FARS2: variants seen among roughly 807,000 people sequenced by gnomAD.
FARS2 encodes phenylalanyl-tRNA synthetase 2, mitochondrial, also known as phenylalanine--tRNA ligase, mitochondrial.
Under a neutral mutation model 46.4 loss-of-function variants are expected in FARS2, and 40 were observed. The ratio of observed to expected loss-of-function variants is 0.86; its 90% CI spans 0.67 to 1.12. The LOEUF (loss-of-function observed/expected upper bound fraction) is 1.12, where lower values mean the gene tolerates loss of function less well. Ranked by LOEUF, FARS2 falls within the 50% of genes most tolerant of loss-of-function variation. FARS2 has a pLI of 0.00. For missense variants in FARS2, 513 were observed against 567.9 expected, an observed-to-expected ratio of 0.90 and a Z score of 0.98; for synonymous variants, 234 against 214.9, an observed-to-expected ratio of 1.09 and a Z score of -0.78.
At chr6:5,391,033 C>A (rs1760474699) in intron 2 of FARS2, among the ~76,000 whole-genome samples, 1 of 152,176 alleles carries the variant, frequency 6.6e-6, no homozygotes, top group Admixed American at 6.5e-5. Context: ...CTAGGGTAAA[C>A]CGTCATTATT....
chr6:5,481,819 G>A (rs62385427), intron 4 of FARS2, among the ~76,000 whole-genome samples: 120,526 of 151,810 alleles, frequency 0.79, 48,149 homozygotes, highest in Middle Eastern at 0.85. Flanking sequence ...GACCCCCCTT[G>A]CTTCCAGATC....
chr6:5,743,099 C>T (rs1366608344), intron 6 of FARS2, among the ~76,000 whole-genome samples: 1 of 152,102 alleles, frequency 6.6e-6, no homozygotes, highest in Non-Finnish European at 1.5e-5. Context: ...TAGGCTATGT[C>T]CAGGTATTTG....
chr6:5,658,745 G>A (rs1450297715), intron 6 of FARS2, among the ~76,000 whole-genome samples: 1 of 152,188 alleles, frequency 6.6e-6, no homozygotes, highest in Non-Finnish European at 1.5e-5. Flanking sequence ...TTTTCAAGGA[G>A]ATGAATTCTA....
intron 6 of FARS2, among the ~76,000 whole-genome samples, chr6:5,718,721 G>A (rs1759684423): frequency 6.6e-6 from 1 of 152,164 alleles, no homozygotes; most frequent in African/African-American, 2.4e-5. Flanking sequence ...GCTAATGGAA[G>A]ATGGGGCCTG....
chr6:5,464,972 A>G (rs1056112514), intron 4 of FARS2, among the ~76,000 whole-genome samples: 1 of 152,194 alleles, frequency 6.6e-6, no homozygotes, highest in Admixed American at 6.5e-5. Context: ...GGGGCCTTAG[A>G]TAAGATATAA....
chr6:5,501,967 C>T (rs1294361441), intron 4 of FARS2, among the ~76,000 whole-genome samples: 2 of 152,154 alleles, frequency 1.3e-5, no homozygotes, highest in Non-Finnish European at 2.9e-5. Flanking sequence ...CCAGCAATGA[C>T]GTTCTTCTCT....
At chr6:5,325,985 G>C (rs1246244296) in intron 1 of FARS2, among the ~76,000 whole-genome samples, 1 of 152,178 alleles carries the variant, frequency 6.6e-6, no homozygotes, top group African/African-American at 2.4e-5. Flanking sequence ...GAAGGAACTG[G>C]GAAAAGTACC....
chr6:5,413,652 C>T lies in FARS2; in HGVS notation c.772+8951C>T, dbSNP rs1187804422. Among the ~76,000 whole-genome samples, 16 of 152,206 alleles carry T rather than the reference C, an allele frequency of 1.1e-4. 1 individual carries two copies. Among genetic ancestry groups the T allele is most frequent in the Admixed American group, 1.0e-3 (16 of 15,284 alleles). On this transcript the variant is annotated intron_variant, in intron 3 of 6. Coordinates refer to ENST00000274680, the MANE Select transcript of FARS2 (RefSeq NM_006567.5). The stretch of plus-strand genomic sequence containing the variant: ...AGAACTCTGTTATCAACCACTTTAA[C>T]TCCTTCACTCCTTTGACTTGCACTG...
chr6:5,468,938 TATATGACTTGGC>T (rs1209214238), intron 4 of FARS2, among the ~76,000 whole-genome samples: 3 of 152,210 alleles, frequency 2.0e-5, no homozygotes. Flanking sequence ...CACAGATGTG[TATATGACTTGGC>T]ATACCATAAC....
chr6:5,365,491 G>T (rs1297296004), intron 1 of FARS2, among the ~76,000 whole-genome samples: 1 of 148,784 alleles, frequency 6.7e-6, no homozygotes, highest in African/African-American at 2.5e-5. Context: ...CACCATACCC[G>T]GCTAATTTAT....
intron 5 of FARS2, among the ~76,000 whole-genome samples, chr6:5,548,476 A>G (rs957033530): frequency 1.3e-5 from 2 of 152,234 alleles, no homozygotes; most frequent in African/African-American, 4.8e-5. Flanking sequence ...ATTTCCTTGT[A>G]GACTAATTTG....
chr6:5,719,404 A>AAC (rs1276525710), intron 6 of FARS2, among the ~76,000 whole-genome samples: 1 of 150,388 alleles, frequency 6.6e-6, no homozygotes, highest in East Asian at 1.9e-4. Context: ...ATTAAAAAAA[A>AAC]AAAAAAAGGA....
At chr6:5,615,311 C>T (rs554368758) in intron 6 of FARS2, among the ~76,000 whole-genome samples, 12 of 152,164 alleles carry the variant, frequency 7.9e-5, no homozygotes, top group Admixed American at 2.6e-4. Context: ...TTCTCATTTC[C>T]GCTTCATTTG....
chr6:5,564,112 A>C (rs1182006513), intron 5 of FARS2, among the ~76,000 whole-genome samples: 1 of 151,598 alleles, frequency 6.6e-6, no homozygotes, highest in Non-Finnish European at 1.5e-5. Context: ...AAAATACTAC[A>C]GCAATGGAAA....
the FARS2 span, among the ~76,000 whole-genome samples, chr6:5,252,198 GA>G: frequency 6.6e-6 from 1 of 152,180 alleles, no homozygotes; most frequent in African/African-American, 2.4e-5. Flanking sequence ...TGTTTCTACA[GA>G]TTTTGCAGGC....
chr6:5,668,344 T>C (rs957560466), intron 6 of FARS2, among the ~76,000 whole-genome samples: 3 of 152,196 alleles, frequency 2.0e-5, no homozygotes, highest in Non-Finnish European at 4.4e-5. Flanking sequence ...CAGCAGCTCA[T>C]GTGAATGATA....
At chr6:5,362,927 C>CTTTTTTTTTTTTTTTTT (rs55686418) in intron 1 of FARS2, among the ~76,000 whole-genome samples, 4 of 124,204 alleles carry the variant, frequency 3.2e-5, no homozygotes, top group Non-Finnish European at 6.6e-5. Flanking sequence ...TTCTTTCTTT[C>CTTTTTTTTTTTTTTTTT]TTTTTTTTTT....
chr6:5,490,288 A>G (rs1445540394), intron 4 of FARS2, among the ~76,000 whole-genome samples: 2 of 151,916 alleles, frequency 1.3e-5, no homozygotes, highest in African/African-American at 2.4e-5. Context: ...TTGTTTATCC[A>G]TTAATCAGCT....
intron 3 of FARS2, among the ~76,000 whole-genome samples, chr6:5,428,659 C>G (rs1762985478): frequency 6.6e-6 from 1 of 152,218 alleles, no homozygotes; most frequent in Non-Finnish European, 1.5e-5. Flanking sequence ...AGGATTGTCT[C>G]TGGTGCTTTT....
Sources: allele counts gnomAD v4.1 joint callset (sites outside exome capture counted in the v4.1 genomes callset), GRCh38; gene constraint gnomAD v4.1.1; transcripts MANE v1.5; gene names NCBI Gene and HGNC (gene_info 2026-07-23, HGNC 2026-07-21).